The following HK1 variants were observed in gnomAD, a reference collection of about 807,000 sequenced individuals.
HK1 encodes the protein hexokinase-1.
In HK1, 28 loss-of-function variants were observed where a neutral mutation model predicts 91.6. The ratio of observed to expected loss-of-function variants is 0.31; its 90% CI spans 0.23 to 0.42. HK1 has a LOEUF of 0.42. Ranked by LOEUF, HK1 falls within the 10% of genes least tolerant of loss-of-function variation. The pLI, the probability that HK1 is intolerant of heterozygous loss-of-function variation, is 1.00. For missense variants in HK1, 770 were observed against 1,219.8 expected (o/e 0.63, Z 5.49); for synonymous variants, 430 against 468.1 (o/e 0.92, Z 1.05).
chr10:69,395,990 G>T (rs1840117063), intron 16 of HK1, among the ~76,000 whole-genome samples: 1 of 152,176 alleles, frequency 6.6e-6, no homozygotes, highest in Non-Finnish European at 1.5e-5. Flanking sequence ...GCTCTGTGTA[G>T]GCTGGGCACG....
At chr10:69,320,344 G>A (rs1178606537) in intron 1 of HK1, among the ~76,000 whole-genome samples, 1 of 152,096 alleles carries the variant, frequency 6.6e-6, no homozygotes, top group African/African-American at 2.4e-5. Context: ...GGTGGGGACC[G>A]GGAGTGAGGT....
chr10:69,369,208 G>C lies in HK1; in HGVS notation c.592-29G>C. On this transcript the variant is annotated intron_variant, in intron 5 of 17. Transcript: ENST00000359426. This position sits in a 1 kb window ranked among gnomAD's most constrained non-coding sequence, Gnocchi z 4.4. ...TGATCTCTGCTCCCATGTGTGAGTG[G>C]ACAATGACACCCCGTTATCTGTCCC... The C allele has an allele frequency of 6.5e-7, 1 of 1,542,790 alleles. No homozygotes were observed. Among genetic ancestry groups the C allele is most frequent in the Non-Finnish European group, 9.0e-7 (1 of 1,115,114 alleles).
chr10:69,304,448 C>T (rs759037711), intron 5 of HK1, among the ~76,000 whole-genome samples: 29 of 152,084 alleles, frequency 1.9e-4, no homozygotes, highest in Non-Finnish European at 3.5e-4. Flanking sequence ...GCTGGGATTA[C>T]TGGCGCCCGC....
chr10:69,371,323 C>CT (rs981490899), intron 7 of HK1, among the ~76,000 whole-genome samples: 16 of 149,058 alleles, frequency 1.1e-4, no homozygotes, highest in Non-Finnish European at 2.1e-4. Flanking sequence ...CATACCCCCC[C>CT]CCACCCCGCC....
intron 2 of HK1, among the ~76,000 whole-genome samples, chr10:69,348,805 C>CAAAA: frequency 7.5e-6 from 1 of 133,294 alleles, no homozygotes; most frequent in South Asian, 2.3e-4. Flanking sequence ...AACTCTGTCT[C>CAAAA]AAAAAAAAAA....
chr10:69,397,674 G>A (rs1161563469), intron 16 of HK1, among the ~76,000 whole-genome samples: 1 of 152,188 alleles, frequency 6.6e-6, no homozygotes, highest in East Asian at 1.9e-4. Flanking sequence ...GAGTAAGTAA[G>A]GTAATGTATG....
intron 1 of HK1, among the ~76,000 whole-genome samples, chr10:69,319,524 A>C (rs1400893067): frequency 1.3e-5 from 2 of 152,248 alleles, no homozygotes; most frequent in African/African-American, 2.4e-5. Flanking sequence ...CTGCTCGTTA[A>C]TCTGAGGACG....
intron 1 of HK1, among the ~76,000 whole-genome samples, chr10:69,329,108 T>G (rs887549675): frequency 2.6e-5 from 4 of 152,174 alleles, no homozygotes; most frequent in African/African-American, 9.6e-5. Flanking sequence ...TGAATAATGC[T>G]GCTCTGAACA....
chr10:69,373,174 C>T (rs1049746763), intron 7 of HK1, among the ~76,000 whole-genome samples: 7 of 152,184 alleles, frequency 4.6e-5, no homozygotes, highest in African/African-American at 1.4e-4. Context: ...CAGCCATTAA[C>T]CAGGTTTTAA....
At chr10:69,304,603 C>T (rs1293543146) in intron 5 of HK1, among the ~76,000 whole-genome samples, 1 of 152,202 alleles carries the variant, frequency 6.6e-6, no homozygotes, top group Non-Finnish European at 1.5e-5. Context: ...CCACTGCGCT[C>T]AGCCTCATCT....
intron 1 of HK1, among the ~76,000 whole-genome samples, chr10:69,273,118 C>T (rs1844259237): frequency 6.6e-6 from 1 of 151,424 alleles, no homozygotes. Flanking sequence ...GAAATTTCCG[C>T]CTCTTGGGTT....
chr10:69,339,496 C>T (rs961280115), intron 1 of HK1, among the ~76,000 whole-genome samples: 8 of 152,302 alleles, frequency 5.3e-5, no homozygotes, highest in South Asian at 2.1e-4. Context: ...TACCTCATGA[C>T]GACTCATGAA....
At chr10:69,345,937 C>G (rs1237055597) in intron 2 of HK1, among the ~76,000 whole-genome samples, 1 of 152,148 alleles carries the variant, frequency 6.6e-6, no homozygotes, top group Non-Finnish European at 1.5e-5. Flanking sequence ...CGGCACCCCC[C>G]CATTCCAAAT....
At chr10:69,319,401 G>T (rs1846875007) in intron 1 of HK1, among the ~76,000 whole-genome samples, 1 of 152,246 alleles carries the variant, frequency 6.6e-6, no homozygotes, top group South Asian at 2.1e-4. Flanking sequence ...GGAGGTGATC[G>T]AGCAGCAGGC....
chr10:69,385,360 C>T (rs1343762765), intron 12 of HK1, among the ~76,000 whole-genome samples: 3 of 152,142 alleles, frequency 2.0e-5, no homozygotes, highest in African/African-American at 7.2e-5. Flanking sequence ...AATCAGGGTC[C>T]AGGATCAGAG....
intron 1 of HK1, among the ~76,000 whole-genome samples, chr10:69,320,049 G>A (rs1285557715): frequency 6.6e-6 from 1 of 152,152 alleles, no homozygotes; most frequent in Non-Finnish European, 1.5e-5. Flanking sequence ...GGAGTGACAG[G>A]CCTTGATTTT....
chr10:69,281,185 C>T (rs558109862), intron 1 of HK1, among the ~76,000 whole-genome samples: 2 of 152,272 alleles, frequency 1.3e-5, no homozygotes, highest in South Asian at 4.1e-4. Flanking sequence ...ACCAGGAGGG[C>T]TTGTTAAAAC....
chr10:69,295,270 G>C (rs1467025199), intron 3 of HK1, among the ~76,000 whole-genome samples: 3 of 152,126 alleles, frequency 2.0e-5, no homozygotes, highest in Admixed American at 2.0e-4. Flanking sequence ...CCGCAGCTCC[G>C]GTGCTGCTGC....
At chr10:69,360,075 G>A (rs751138343) in intron 3 of HK1, 30 bp downstream of exon 3, 16 of 1,610,950 alleles carry the variant, frequency 9.9e-6, no homozygotes, top group Middle Eastern at 1.9e-4. Flanking sequence ...GGGTCACCCC[G>A]TCGGGCCAGC....
Sources: gnomAD v4.1 joint callset for allele counts (sites outside exome capture counted in the v4.1 genomes callset) on GRCh38, gnomAD v4.1.1 for gene constraint, Gnocchi (gnomAD v3.1) non-coding constraint, MANE v1.5 for transcripts, NCBI Gene and HGNC (gene_info 2026-07-23, HGNC 2026-07-21) for gene names.